The following HTT-AS variants were observed in gnomAD, a reference collection of about 807,000 sequenced individuals.
HTT-AS encodes the protein HTT antisense RNA, also known as HTT antisense RNA (head to head).
chr4:3,047,233 C>T (rs1200648395), downstream of HTT-AS, among the ~76,000 whole-genome samples: 3 of 152,150 alleles, frequency 2.0e-5, no homozygotes, highest in African/African-American at 7.2e-5. Context: ...ATGGCATGAA[C>T]CCGGGAGGCG....
At chr4:3,073,853 C>T (rs1035428607) in intron 1 of HTT-AS, among the ~76,000 whole-genome samples, 1 of 152,212 alleles carries the variant, frequency 6.6e-6, no homozygotes, top group Non-Finnish European at 1.5e-5. Context: ...CAGGGCTGTC[C>T]GGGTGAGTAT....
At chr4:3,052,195 C>T (rs950573658) in intron 2 of HTT-AS, among the ~76,000 whole-genome samples, 2 of 152,182 alleles carry the variant, frequency 1.3e-5, no homozygotes, top group Admixed American at 1.3e-4. Context: ...TAACCTTTGC[C>T]ATTTTTTGAT....
At chr4:3,058,876 T>C (rs1480340969) in intron 2 of HTT-AS, among the ~76,000 whole-genome samples, 1 of 152,072 alleles carries the variant, frequency 6.6e-6, no homozygotes, top group Non-Finnish European at 1.5e-5. Context: ...CCCACCATCA[T>C]ACTGGGCTAA....
chr4:3,070,866 G>T (rs1378294926), intron 1 of HTT-AS, among the ~76,000 whole-genome samples: 1 of 152,148 alleles, frequency 6.6e-6, no homozygotes, highest in Non-Finnish European at 1.5e-5. Context: ...GATAAATTAC[G>T]GGAAATGTTT....
At chr4:3,071,800 C>T (rs1227136007) in intron 1 of HTT-AS, among the ~76,000 whole-genome samples, 2 of 152,234 alleles carry the variant, frequency 1.3e-5, no homozygotes, top group Admixed American at 6.5e-5. Context: ...CTCAGAGGGA[C>T]GGCCACGTGA....
At chr4:3,053,760 T>C (rs866432875) in intron 2 of HTT-AS, among the ~76,000 whole-genome samples, 81 of 149,150 alleles carry the variant, frequency 5.4e-4, no homozygotes, top group Middle Eastern at 6.9e-3. Flanking sequence ...CTAACTTCTT[T>C]TTTTTTTTTT....
chr4:3,073,478 A>G (rs1007649534), intron 1 of HTT-AS, among the ~76,000 whole-genome samples: 40 of 152,334 alleles, frequency 2.6e-4, no homozygotes, highest in African/African-American at 9.4e-4. Flanking sequence ...TCCTGCCGGA[A>G]GGTCAGAGCA....
chr4:3,071,417 T>C (rs1712170370), intron 1 of HTT-AS, among the ~76,000 whole-genome samples: 1 of 152,204 alleles, frequency 6.6e-6, no homozygotes. Flanking sequence ...CCCTTCATTT[T>C]ATGTGATTCC....
chr4:3,056,604 C>A (rs1330718983), intron 2 of HTT-AS, among the ~76,000 whole-genome samples: 1 of 152,210 alleles, frequency 6.6e-6, no homozygotes, highest in Non-Finnish European at 1.5e-5. Context: ...TATGACCAAA[C>A]TGCCCTTCTG....
intron 2 of HTT-AS, among the ~76,000 whole-genome samples, chr4:3,062,420 C>T (rs934997897): frequency 5.3e-5 from 8 of 152,146 alleles, no homozygotes; most frequent in Non-Finnish European, 1.2e-4. Context: ...CCTCCCTTCC[C>T]CTGGAGTACT....
chr4:3,052,563 G>A (rs1467616515), intron 2 of HTT-AS, among the ~76,000 whole-genome samples: 1 of 152,108 alleles, frequency 6.6e-6, no homozygotes, highest in Non-Finnish European at 1.5e-5. Context: ...TTTTACTTGG[G>A]GGTATCAGAA....
At chr4:3,049,923 C>T (rs1711668893) in intron 2 of HTT-AS, among the ~76,000 whole-genome samples, 1 of 146,072 alleles carries the variant, frequency 6.8e-6, no homozygotes, top group Non-Finnish European at 1.5e-5. Flanking sequence ...CACACACACA[C>T]ACACACACAC....
At chr4:3,070,592 C>G (rs931848880) in intron 1 of HTT-AS, among the ~76,000 whole-genome samples, 1 of 152,116 alleles carries the variant, frequency 6.6e-6, no homozygotes, top group Non-Finnish European at 1.5e-5. Context: ...GCCTTCATCT[C>G]TCTTCTGTGT....
chr4:3,066,447 C>T (rs183794344), intron 1 of HTT-AS, among the ~76,000 whole-genome samples: 43 of 152,214 alleles, frequency 2.8e-4, no homozygotes, highest in Admixed American at 7.9e-4. Context: ...GGATTATAGG[C>T]GTGACCCACC....
At chr4:3,047,926 C>T (rs936038246), downstream of HTT-AS, among the ~76,000 whole-genome samples, 13 of 152,196 alleles carry the variant, frequency 8.5e-5, no homozygotes, top group Non-Finnish European at 1.6e-4. Flanking sequence ...TCTCTCTCTC[C>T]GCCTCGGCTA....
intron 2 of HTT-AS, among the ~76,000 whole-genome samples, chr4:3,057,456 G>A (rs981049316): frequency 6.6e-6 from 1 of 152,096 alleles, no homozygotes; most frequent in Non-Finnish European, 1.5e-5. Context: ...CTGGAAAGGG[G>A]TCCCAATGCT....
chr4:3,070,507 C>T (rs1202201260), intron 1 of HTT-AS, among the ~76,000 whole-genome samples: 1 of 152,150 alleles, frequency 6.6e-6, no homozygotes, highest in Non-Finnish European at 1.5e-5. Flanking sequence ...GTCAGGCGGA[C>T]TTGAACTCCT....
chr4:3,059,712 A>G (rs1188584417), intron 2 of HTT-AS, among the ~76,000 whole-genome samples: 1 of 151,516 alleles, frequency 6.6e-6, no homozygotes, highest in Admixed American at 6.6e-5. Flanking sequence ...CTGGGATTAC[A>G]GGTGCATGCA....
chr4:3,054,870 A>T (rs981180115), intron 2 of HTT-AS, among the ~76,000 whole-genome samples: 4 of 151,884 alleles, frequency 2.6e-5, no homozygotes, highest in Non-Finnish European at 5.9e-5. Flanking sequence ...ACTTGCCAGC[A>T]CGCCTGGCTA....
Sources: allele counts gnomAD v4.1 joint callset (sites outside exome capture counted in the v4.1 genomes callset), GRCh38; gene constraint gnomAD v4.1.1; transcripts MANE v1.5; gene names NCBI Gene and HGNC (gene_info 2026-07-23, HGNC 2026-07-21).